Variants in RIMBP2 observed in about 807,000 individuals in gnomAD.
RIMBP2 encodes RIMS binding protein 2.
Under a neutral mutation model 118.6 loss-of-function variants are expected in RIMBP2, and 48 were observed. The ratio of observed to expected loss-of-function variants is 0.40; its 90% confidence interval spans 0.32 to 0.51. RIMBP2 has a LOEUF of 0.51. Among genes scored for constraint, RIMBP2 ranks in the 20% least tolerant of loss-of-function variants. RIMBP2 has a pLI of 0.41. For synonymous variants in RIMBP2, 762 were observed against 742.9 expected (o/e 1.03, Z -0.42); for missense variants, 1,551 against 1,768.3 (o/e 0.88, Z 2.20).
At position 130,412,629 on chromosome 12, in the gene RIMBP2, C is replaced by T; in HGVS notation, c.3579G>A (p.Val1193=). The stretch of plus-strand genomic sequence containing the variant: ...GGGGTTTGCGCTTACCTATTTTCTC[C>T]ACAGGTGTATTCAGAGGGAGAAAGC... The part of the protein sequence containing the change: ...RQGFLPLNTP[V]EKIERSRRSG... The change falls in exon 19 of 23, where the codon GTG becomes GTA. Residue 1193 remains valine (V), a synonymous_variant. Coordinates refer to ENST00000690449, the MANE Select transcript of RIMBP2 (RefSeq NM_001393629.1). 1 of 1,613,676 alleles carries T rather than the reference C, an allele frequency of 6.2e-7. No homozygotes were observed. The highest frequency in any genetic ancestry group is 8.5e-7 in the Non-Finnish European group (1 of 1,179,882).
rs1246400143 is a variant in RIMBP2 at position 130,623,384 on chromosome 12, A to G, written c.-217+4938T>C. On this transcript the variant is annotated intron_variant, in intron 2 of 22. Coordinates refer to ENST00000690449, the MANE Select transcript of RIMBP2 (RefSeq NM_001393629.1). This position sits in a 1 kb window ranked among gnomAD's most constrained non-coding sequence, Gnocchi z 4.1. ...GTTTTAAGCCCCACAAGTATTAGGT[A>G]TTTGCCCTAATGCTCCCCCTCCCCT... Among the ~76,000 whole-genome samples the G allele has an allele frequency of 5.9e-5, 9 of 152,064 alleles. No homozygotes were observed. The highest frequency in any genetic ancestry group is 1.2e-4 in the Non-Finnish European group (8 of 68,028).
chr12:130,501,770 C>G (rs986686546), intron 4 of RIMBP2, among the ~76,000 whole-genome samples: 1 of 152,242 alleles, frequency 6.6e-6, no homozygotes, highest in African/African-American at 2.4e-5. Context: ...TGCACAGACA[C>G]TTCAGTAAAA....
At chr12:130,486,713 A>AAG (rs2082517406) in intron 4 of RIMBP2, among the ~76,000 whole-genome samples, 1 of 149,718 alleles carries the variant, frequency 6.7e-6, no homozygotes, top group South Asian at 2.1e-4. Flanking sequence ...ATCTTTGAGA[A>AAG]AAAAAAAAAC....
At chr12:130,438,322 T>C (rs746549656) in intron 12 of RIMBP2, 43 bp downstream of exon 12, 11 of 1,595,808 alleles carry the variant, frequency 6.9e-6, no homozygotes, top group Middle Eastern at 1.7e-4. Flanking sequence ...CCTGCTGCGT[T>C]AGGGCCTAAC....
intron 6 of RIMBP2, chr12:130,465,996 C>G (rs2080441756): frequency 6.6e-6 from 1 of 152,216 alleles, no homozygotes; most frequent in African/African-American, 2.4e-5. Flanking sequence ...GAATGGGATT[C>G]TGCTCATGAC....
chr12:130,595,446 T>G (rs2059499435), intron 2 of RIMBP2, among the ~76,000 whole-genome samples: 2 of 152,032 alleles, frequency 1.3e-5, no homozygotes, highest in African/African-American at 2.4e-5. Flanking sequence ...TAGTCCCAGC[T>G]ACTCAGGACA....
intron 6 of RIMBP2, among the ~76,000 whole-genome samples, chr12:130,461,964 G>A (rs377053076): frequency 2.0e-5 from 3 of 152,146 alleles, no homozygotes; most frequent in Admixed American, 6.5e-5. Context: ...CAATTCACCG[G>A]AAGTCTCACA....
Position 130,431,387 on chromosome 12 carries a change from AC to A in RIMBP2, c.2254-3051del. ...GGGTTGTAAAACTGGCAGTCTGTGC[AC>A]CAGCTCAACTTCAGTCACTCCCTAC... is the stretch of plus-strand genomic sequence containing the variant. On this transcript the variant is annotated intron_variant, in intron 14 of 22. Transcript: ENST00000690449. This position sits in a 1 kb window ranked among gnomAD's most constrained non-coding sequence, Gnocchi z 4.0. 1 of 381,304 alleles carries A rather than the reference AC, an allele frequency of 2.6e-6. No homozygotes were observed. Among genetic ancestry groups the A allele is most frequent in the Non-Finnish European group, 5.5e-6 (1 of 182,860 alleles). The allele number at this position is 381,304 out of a possible 1,614,324, so 23.6% of individuals were successfully genotyped here.
chr12:130,491,756 T>A (rs965354721), intron 4 of RIMBP2, among the ~76,000 whole-genome samples: 8 of 152,244 alleles, frequency 5.3e-5, no homozygotes, highest in African/African-American at 1.9e-4. Flanking sequence ...CCAGGGCACG[T>A]GCTGTCATTC....
In RIMBP2 at chr12:130,456,720, C is replaced by A; in HGVS notation, c.154-20G>T. On this transcript the variant is annotated intron_variant, in intron 6 of 22. Transcript: ENST00000690449. Reference sequence around the variant, plus strand: ...CTTGGACTGCACGGCAGAAGCAGGACAGGGGGTCAGCGGTGGCATTTGGTG... The same window carrying A: ...CTTGGACTGCACGGCAGAAGCAGGAAAGGGGGTCAGCGGTGGCATTTGGTG... The A allele has an allele frequency of 6.3e-7, 1 of 1,580,096 alleles. No individual in the cohort carries two copies. The highest frequency in any genetic ancestry group is 2.3e-5 in the East Asian group (1 of 44,078).
Position 130,509,726 on chromosome 12 carries a change from G to GC in RIMBP2, c.-126-2957dup, listed in dbSNP as rs376491702. On this transcript the variant is annotated intron_variant, in intron 3 of 22. Transcript: ENST00000690449. Reference sequence around the variant, plus strand: ...TGCAGGTGTCCTGCCCATGCCCTCTGCCCCCCCGCCCCGGCAACAGCACCC... The same window carrying GC: ...TGCAGGTGTCCTGCCCATGCCCTCTGCCCCCCCCGCCCCGGCAACAGCACCC... Among the ~76,000 whole-genome samples the GC allele has an allele frequency of 6.2e-4, 92 of 148,146 alleles. 2 individuals carry two copies. The highest frequency in any genetic ancestry group is 4.6e-3 in the South Asian group (21 of 4,572).
intron 3 of RIMBP2, among the ~76,000 whole-genome samples, chr12:130,507,736 G>A (rs1297271218): frequency 6.6e-6 from 1 of 152,206 alleles, no homozygotes; most frequent in East Asian, 1.9e-4. Flanking sequence ...TCATTGTGGA[G>A]GCAACATGTT....
At chr12:130,403,626 C>G (rs2074869026) in intron 21 of RIMBP2, among the ~76,000 whole-genome samples, 1 of 152,206 alleles carries the variant, frequency 6.6e-6, no homozygotes, top group Non-Finnish European at 1.5e-5. Flanking sequence ...TGGGCAGATT[C>G]TAATAACCTT....
At chr12:130,566,674 C>T (rs557215608) in intron 2 of RIMBP2, among the ~76,000 whole-genome samples, 115 of 152,220 alleles carry the variant, frequency 7.6e-4, no homozygotes, top group Non-Finnish European at 1.5e-3. Context: ...CAGCCCCAGC[C>T]GACAGCTTGA....
chr12:130,546,378 C>T (rs2098945994), intron 2 of RIMBP2, among the ~76,000 whole-genome samples: 6 of 152,050 alleles, frequency 3.9e-5, no homozygotes, highest in Admixed American at 3.9e-4. Context: ...TCACTTCAAC[C>T]TCTGCCTCCC....
rs75347566 is a variant in RIMBP2, at chr12:130,495,402, C to T, written c.-4+11246G>A. ...CCCCAGGGATGTTGCTTGGTCAGGC[C>T]ACTGTCATCACGTGGGCCTCAGCTG... is the stretch of plus-strand genomic sequence containing the variant. On this transcript the variant is annotated intron_variant, in intron 4 of 22. Transcript: ENST00000690449. Among the ~76,000 whole-genome samples, 342 of 150,992 alleles carry T rather than the reference C, an allele frequency of 2.3e-3. 4 individuals are homozygous for T. The highest frequency in any genetic ancestry group is 7.8e-3 in the African/African-American group (322 of 41,082).
chr12:130,716,149 T>G (rs897727217), intron 1 of RIMBP2, 73 bp downstream of exon 1: 15 of 152,092 alleles, frequency 9.9e-5, no homozygotes, highest in African/African-American at 3.6e-4. Flanking sequence ...TCAACGCCGC[T>G]GCAGCTCGGG....
Position 130,437,169 on chromosome 12 carries a change from A to G in RIMBP2, c.1779T>C (p.Ser593=). ...TLSAQGESVD[S]AVAAVPPELL... is the part of the protein sequence containing the mutation. The stretch of plus-strand genomic sequence containing the variant: ...GCTCGGGGGGAACGGCAGCAACTGC[A>G]GAGTCCACGGACTCGCCCTGGGCGG... The change falls in exon 13 of 23, where the codon TCT becomes TCC. Residue 593 remains serine, a synonymous_variant. Transcript: ENST00000690449. 1 of 1,589,330 alleles carries G rather than the reference A, an allele frequency of 6.3e-7. No individual in the cohort carries two copies. Among genetic ancestry groups the G allele is most frequent in the Non-Finnish European group, 8.6e-7 (1 of 1,168,986 alleles).
chr12:130,463,056 A>AG (rs1184605291), intron 6 of RIMBP2, among the ~76,000 whole-genome samples: 6 of 152,186 alleles, frequency 3.9e-5, no homozygotes, highest in Non-Finnish European at 5.9e-5. Flanking sequence ...CGTGACTGCC[A>AG]GGGGGGTCCC....
Sources: gnomAD v4.1 joint callset for allele counts (sites outside exome capture counted in the v4.1 genomes callset) on GRCh38, gnomAD v4.1.1 for gene constraint, Gnocchi (gnomAD v3.1) non-coding constraint, MANE v1.5 for transcripts, NCBI Gene and HGNC (gene_info 2026-07-23, HGNC 2026-07-21) for gene names.